Variants in RARRES1 observed in about 807,000 individuals in gnomAD.
RARRES1 encodes the protein retinoic acid receptor responder protein 1.
Under a neutral mutation model 30.6 loss-of-function variants are expected in RARRES1, and 34 were observed. The ratio of observed to expected loss-of-function variants is 1.11; its 90% CI spans 0.84 to 1.48. The LOEUF is 1.48. RARRES1 is among the 40% of genes most tolerant of loss of function. The probability of loss-of-function intolerance (pLI) is 0.00; values close to 1 mark genes in which losing one functional copy is unlikely to be tolerated. For synonymous variants in RARRES1, 153 were observed against 155.5 expected (o/e 0.98, Z 0.12); for missense variants, 373 against 386.5 (o/e 0.97, Z 0.29).
At chr3:158,710,986 A>C in intron 2 of RARRES1, 53 bp from the exon 3 acceptor site, 1 of 1,481,228 alleles carries the variant, frequency 6.8e-7, no homozygotes, top group Admixed American at 1.8e-5. Context: ...CAGTGCACAC[A>C]AGCACACACA....
chr3:158,711,088 G>A (rs1027697333), intron 2 of RARRES1, among the ~76,000 whole-genome samples, 155 bp from the exon 3 acceptor site: 1 of 152,164 alleles, frequency 6.6e-6, no homozygotes, highest in African/African-American at 2.4e-5. Flanking sequence ...GCTCACAGCT[G>A]AATACAACAG....
intron 2 of RARRES1, among the ~76,000 whole-genome samples, chr3:158,711,697 G>A (rs1727142773): frequency 6.7e-6 from 1 of 148,588 alleles, no homozygotes; most frequent in Admixed American, 6.9e-5. Flanking sequence ...CTGGGTTCAC[G>A]CGATTCTCCT....
chr3:158,724,648 A>C (rs560241390), intron 1 of RARRES1, among the ~76,000 whole-genome samples: 13 of 152,146 alleles, frequency 8.5e-5, no homozygotes, highest in Non-Finnish European at 1.6e-4. Context: ...ACCATAAGTG[A>C]GTAAGTTTGT....
intron 1 of RARRES1, among the ~76,000 whole-genome samples, chr3:158,716,159 CATGAG>C (rs757297171): frequency 6.6e-6 from 1 of 152,126 alleles, no homozygotes; most frequent in East Asian, 1.9e-4. Flanking sequence ...GGAGGCCATT[CATGAG>C]ATGAGGAAGA....
At chr3:158,716,272 G>A (rs1009274911) in intron 1 of RARRES1, among the ~76,000 whole-genome samples, 21 of 152,214 alleles carry the variant, frequency 1.4e-4, no homozygotes, top group African/African-American at 4.8e-4. Flanking sequence ...AGAGGTAGTG[G>A]TGAAAGCCAT....
chr3:158,720,636 A>ATTGT (rs565092410), intron 1 of RARRES1, among the ~76,000 whole-genome samples: 1 of 151,774 alleles, frequency 6.6e-6, no homozygotes, highest in East Asian at 1.9e-4. Flanking sequence ...TGCCTCTATT[A>ATTGT]TTGTTTGTTT....
chr3:158,707,197 A>T lies in RARRES1; in HGVS notation c.536-2270T>A, dbSNP rs144879417. Among the ~76,000 whole-genome samples, 27 of 152,214 alleles carry T rather than the reference A, an allele frequency of 1.8e-4. No homozygotes were observed. The East Asian group carries it at 2.7e-3, about 15-fold the overall frequency. The stretch of plus-strand genomic sequence containing the variant: ...CAAACAAACAAAAAAACTACAGATA[A>T]ATCAAGAAGGATAAGAAGCAAGATC... On this transcript the variant is annotated intron_variant, in intron 3 of 5. Transcript: ENST00000237696.
intron 3 of RARRES1, among the ~76,000 whole-genome samples, chr3:158,707,370 G>A (rs1726957861): frequency 6.6e-6 from 1 of 152,110 alleles, no homozygotes; most frequent in African/African-American, 2.4e-5. Context: ...ATGGGTCTAT[G>A]AAGAAACTGG....
chr3:158,699,163 A>G (rs73030851), intron 4 of RARRES1, among the ~76,000 whole-genome samples: 22,318 of 152,206 alleles, frequency 0.15, 1,720 homozygotes, highest in South Asian at 0.22. Context: ...AAGAAGTCAC[A>G]TAGACCGTGC....
intron 1 of RARRES1, among the ~76,000 whole-genome samples, chr3:158,721,585 G>A (rs1391267219): frequency 2.0e-5 from 3 of 152,290 alleles, no homozygotes; most frequent in Admixed American, 6.5e-5. Flanking sequence ...GGAGATTGAC[G>A]CCGAGACTAT....
chr3:158,726,635 A>T (rs934008933), intron 1 of RARRES1, among the ~76,000 whole-genome samples: 1 of 152,270 alleles, frequency 6.6e-6, no homozygotes, highest in Non-Finnish European at 1.5e-5. Flanking sequence ...TTAGAAATTT[A>T]GCTGTTGAAT....
At chr3:158,722,618 C>G (rs920861645) in intron 1 of RARRES1, among the ~76,000 whole-genome samples, 9 of 152,134 alleles carry the variant, frequency 5.9e-5, no homozygotes, top group African/African-American at 2.2e-4. Context: ...CGCTGTGGCT[C>G]ATGCCTGTAA....
At chr3:158,716,202 G>A (rs1727316479) in intron 1 of RARRES1, among the ~76,000 whole-genome samples, 1 of 152,122 alleles carries the variant, frequency 6.6e-6, no homozygotes, top group African/African-American at 2.4e-5. Context: ...TCATTCTCTG[G>A]CACATGGGGA....
Position 158,713,930 on chromosome 3 carries a change from T to G in RARRES1, c.277-71A>C, listed in dbSNP as rs1727235702. On this transcript the variant is annotated intron_variant, in intron 1 of 5. Transcript: ENST00000237696. ...ACATCCTCATATCCAGGAATCACAC[T>G]CTTAGGATAACATGGCATGCAAATG... 3.7e-6 allele frequency: 5 copies of G among 1,359,802 alleles called. No homozygotes were observed. The East Asian group carries it at 6.9e-5, about 19-fold the overall frequency. 84.2% of individuals were successfully genotyped at this position (1,359,802 alleles called of 1,614,324 possible).
At position 158,711,196 on chromosome 3, in the gene RARRES1, T is replaced by C. The variant is rs1047288909; in HGVS notation, c.340-263A>G. 2.6e-5 allele frequency among the ~76,000 whole-genome samples: 4 copies of C among 152,308 alleles called. No homozygotes were observed. In the East Asian group the frequency reaches 7.7e-4, roughly 29 times the overall value. ...TCCAAAGAAATATCATTGACATCCA[T>C]TGAGCACTGCTTGGCTCAAACCTTT... On this transcript the variant is annotated intron_variant, in intron 2 of 5. Transcript: ENST00000237696.
intron 1 of RARRES1, 29 bp from the exon 2 acceptor site, chr3:158,713,888 A>G (rs1417096015): frequency 6.3e-7 from 1 of 1,584,514 alleles, no homozygotes; most frequent in East Asian, 2.2e-5. Flanking sequence ...ATCTTAGTAT[A>G]GTAGAAGCTC....
chr3:158,705,349 C>G (rs1726885480), intron 3 of RARRES1, among the ~76,000 whole-genome samples: 1 of 152,226 alleles, frequency 6.6e-6, no homozygotes, highest in Non-Finnish European at 1.5e-5. Context: ...CTTCTTCCAA[C>G]TGTCGCACAC....
At chr3:158,704,675 A>G in intron 4 of RARRES1, 116 bp downstream of exon 4, 1 of 1,413,446 alleles carries the variant, frequency 7.1e-7, no homozygotes. Context: ...ATATTTATTG[A>G]AATAAATGTG....
At chr3:158,702,582 A>G (rs891220686) in intron 4 of RARRES1, among the ~76,000 whole-genome samples, 2 of 152,186 alleles carry the variant, frequency 1.3e-5, no homozygotes, top group Non-Finnish European at 2.9e-5. Context: ...GTGTTGCTCT[A>G]TTCCTATTAA....
Sources: allele counts gnomAD v4.1 joint callset (sites outside exome capture counted in the v4.1 genomes callset), GRCh38; gene constraint gnomAD v4.1.1; transcripts MANE v1.5; gene names NCBI Gene and HGNC (gene_info 2026-07-23, HGNC 2026-07-21).